CSMD2: variants seen among roughly 807,000 people sequenced by gnomAD.
The protein encoded by CSMD2 is CUB and sushi domain-containing protein 2.
Under a neutral mutation model 398.5 loss-of-function variants are expected in CSMD2, and 130 were observed. That is an observed-to-expected ratio of 0.33 (90% CI 0.28 to 0.38). The LOEUF (loss-of-function observed/expected upper bound fraction) is 0.38. CSMD2 is among the 10% of genes least tolerant of loss of function. The pLI is 1.00. For missense variants in CSMD2, 3,829 were observed against 4,764.9 expected, an observed-to-expected ratio of 0.80 and a Z score of 5.78; for synonymous variants, 1,828 against 1,908.5, an observed-to-expected ratio of 0.96 and a Z score of 1.10.
intron 10 of CSMD2, among the ~76,000 whole-genome samples, chr1:33,810,194 G>A (rs1299737421): frequency 6.6e-6 from 1 of 151,838 alleles, no homozygotes; most frequent in Non-Finnish European, 1.5e-5. Flanking sequence ...GGGCACAGGA[G>A]AAAAAAACTC....
At chr1:33,842,208 A>C (rs545844052) in intron 6 of CSMD2, among the ~76,000 whole-genome samples, 1 of 152,142 alleles carries the variant, frequency 6.6e-6, no homozygotes, top group Non-Finnish European at 1.5e-5. Context: ...CACCAAATCT[A>C]ACTAGCCATG....
At chr1:33,946,443 A>G (rs528387650) in intron 3 of CSMD2, among the ~76,000 whole-genome samples, 3 of 152,338 alleles carry the variant, frequency 2.0e-5, no homozygotes, top group South Asian at 2.1e-4. Flanking sequence ...CATGCAAACA[A>G]CTGTTTGTTC....
chr1:34,034,516 C>T (rs781616327), intron 2 of CSMD2, among the ~76,000 whole-genome samples: 1 of 152,094 alleles, frequency 6.6e-6, no homozygotes, highest in Non-Finnish European at 1.5e-5. Flanking sequence ...AAAATGATAT[C>T]GCCAGATAGA....
rs1288468600 is a variant in CSMD2 at position 33,600,960 on chromosome 1, A to T, written c.6761T>A (p.Met2254Lys). Residue 2254 changes from methionine (M) to lysine (K), a missense_variant, in exon 44 of 71, where the codon ATG (methionine) becomes AAG (lysine). By Grantham distance (95) the Met-to-Lys change is moderately conservative. Around this residue, in one of 5 missense-constraint regions of CSMD2, gnomAD observed 723 missense variants for 758.6 expected, o/e 0.95. Transcript: ENST00000373381. ...APRLGVFTRS[M>K]AKKTVQSSSN... ...TGAACTCTGCACTGTTTTCTTGGCC[A>T]TGCTCCGGGTGAAGACGCCGAGCCG... 6.2e-7 allele frequency: 1 copy of T among 1,614,004 alleles called. No homozygotes were observed. Among genetic ancestry groups the T allele is most frequent in the African/African-American group, 1.3e-5 (1 of 74,878 alleles).
In CSMD2 at chr1:33,953,701, T is replaced by C. The variant is rs569474021; in HGVS notation, c.518-17747A>G. Reference sequence around the variant, plus strand: ...AGTTCAGGCATAGATTCCTAGTGCTTTTGCCCAGCATGGCTCACCTGACAG... The same window carrying C: ...AGTTCAGGCATAGATTCCTAGTGCTCTTGCCCAGCATGGCTCACCTGACAG... On this transcript the variant is annotated intron_variant, in intron 3 of 70. Coordinates refer to ENST00000373381, the MANE Select transcript of CSMD2 (RefSeq NM_001281956.2). Among the ~76,000 whole-genome samples the C allele has an allele frequency of 3.9e-5, 6 of 152,276 alleles. No individual in the cohort carries two copies. The South Asian group carries it at 8.3e-4, about 21-fold the overall frequency.
chr1:33,690,060 C>T lies in CSMD2; in HGVS notation c.4052+2870G>A, dbSNP rs148734699. On this transcript the variant is annotated intron_variant, in intron 25 of 70. Transcript: ENST00000373381. ...CACTCTGGAGGCAGCTTCCTCACTG[C>T]GCTTACCGGCCCAGCCCGTCCCACT... 4.6e-5 allele frequency among the ~76,000 whole-genome samples: 7 copies of T among 152,266 alleles called. No individual in the cohort carries two copies. The South Asian group carries it at 1.0e-3, about 23-fold the overall frequency.
chr1:33,872,739 AT>A (rs939640152), intron 5 of CSMD2, among the ~76,000 whole-genome samples: 2 of 152,234 alleles, frequency 1.3e-5, no homozygotes, highest in African/African-American at 4.8e-5. Context: ...AAATGAGGCC[AT>A]TGGACCCCTA....
At chr1:34,073,932 T>G (rs1000356461) in intron 2 of CSMD2, among the ~76,000 whole-genome samples, 1 of 152,158 alleles carries the variant, frequency 6.6e-6, no homozygotes, top group Non-Finnish European at 1.5e-5. Context: ...AAACTTACAA[T>G]CACGGCATAA....
chr1:33,856,313 G>C (rs1229554239), intron 5 of CSMD2, among the ~76,000 whole-genome samples: 1 of 152,152 alleles, frequency 6.6e-6, no homozygotes, highest in Non-Finnish European at 1.5e-5. Flanking sequence ...GGGGTAGAAG[G>C]ACAGGGCACT....
At chr1:33,915,188 ATC>A (rs1341676204) in intron 5 of CSMD2, among the ~76,000 whole-genome samples, 1 of 152,126 alleles carries the variant, frequency 6.6e-6, no homozygotes, top group Non-Finnish European at 1.5e-5. Flanking sequence ...TGCTAACAGG[ATC>A]TGTTGTTTTT....
chr1:33,568,695 C>T (rs1659299759), intron 52 of CSMD2, among the ~76,000 whole-genome samples: 1 of 152,052 alleles, frequency 6.6e-6, no homozygotes, highest in African/African-American at 2.4e-5. Context: ...GCATTTCTAC[C>T]AGCTTCCTTT....
rs75263701 is a variant in CSMD2, at chr1:34,007,285, G to A, written c.517+25309C>T. Among the ~76,000 whole-genome samples, 1,226 of 152,242 alleles carry A rather than the reference G, an allele frequency of 8.1e-3. 13 individuals carry two copies. The highest frequency in any genetic ancestry group is 0.028 in the African/African-American group (1,171 of 41,536). ...GAAAGCATACAAGGAGCACTTACTCGGTCCTCTGTGGATGGGAAGCAGGCC... is the reference window on the plus strand; with the variant it reads ...GAAAGCATACAAGGAGCACTTACTCAGTCCTCTGTGGATGGGAAGCAGGCC... On this transcript the variant is annotated intron_variant, in intron 3 of 70. Transcript: ENST00000373381.
At chr1:34,104,963 A>G (rs561940092) in intron 1 of CSMD2, among the ~76,000 whole-genome samples, 2 of 152,198 alleles carry the variant, frequency 1.3e-5, no homozygotes, top group Non-Finnish European at 2.9e-5. Flanking sequence ...AACCTTCTCA[A>G]CCTAGCAAAT....
chr1:33,729,253 A>T (rs186904415), intron 15 of CSMD2, among the ~76,000 whole-genome samples: 187 of 152,280 alleles, frequency 1.2e-3, no homozygotes, highest in African/African-American at 4.1e-3. Context: ...AGAGAGGGAA[A>T]TTCAATCCCT....
At position 33,805,932 on chromosome 1, in the gene CSMD2, G is replaced by A. The variant is rs1656178746; in HGVS notation, c.1446+4811C>T. 2.0e-5 allele frequency among the ~76,000 whole-genome samples: 3 copies of A among 152,010 alleles called. No homozygotes were observed. In the South Asian group the frequency reaches 6.2e-4, roughly 32 times the overall value. ...ACAGTAGCCTGAGTAGACTACATTAGTGTAATAAGGAATACTCAACACAGT... is the reference window on the plus strand; with the variant it reads ...ACAGTAGCCTGAGTAGACTACATTAATGTAATAAGGAATACTCAACACAGT... On this transcript the variant is annotated intron_variant, in intron 10 of 70. Coordinates refer to ENST00000373381, the MANE Select transcript of CSMD2 (RefSeq NM_001281956.2).
chr1:34,128,978 G>A lies in CSMD2; in HGVS notation c.187+35933C>T, dbSNP rs548044811. ...CACATCAACAGCTACAGAAACAGAC[G>A]TCCACGTCCACTACATACATGTGTA... On this transcript the variant is annotated intron_variant, in intron 1 of 70. Transcript: ENST00000373381. Among the ~76,000 whole-genome samples, 165 of 145,750 alleles carry A rather than the reference G, an allele frequency of 1.1e-3. 1 individual carries two copies. Among genetic ancestry groups the A allele is most frequent in the South Asian group, 7.2e-3 (31 of 4,280 alleles).
intron 1 of CSMD2, among the ~76,000 whole-genome samples, chr1:34,109,998 G>GCC (rs1361117372): frequency 1.6e-5 from 2 of 122,528 alleles, no homozygotes; most frequent in Non-Finnish European, 3.2e-5. Context: ...CCGAGATGGC[G>GCC]CCACTGCACT....
At chr1:33,749,255 C>G (rs769140573) in intron 13 of CSMD2, among the ~76,000 whole-genome samples, 2 of 152,030 alleles carry the variant, frequency 1.3e-5, no homozygotes, top group South Asian at 2.1e-4. Context: ...CCTGCCACCT[C>G]GCCCGGCTAA....
intron 3 of CSMD2, among the ~76,000 whole-genome samples, chr1:34,031,019 C>T (rs1051454097): frequency 6.6e-6 from 1 of 151,988 alleles, no homozygotes; most frequent in Non-Finnish European, 1.5e-5. Context: ...GAGAGAATTA[C>T]TTTGGATTCA....
Sources: allele counts gnomAD v4.1 joint callset (sites outside exome capture counted in the v4.1 genomes callset), GRCh38; gene constraint gnomAD v4.1.1; regional missense constraint gnomAD v4.1.1; transcripts MANE v1.5; gene names NCBI Gene and HGNC (gene_info 2026-07-23, HGNC 2026-07-21).